The following IFI16 variants were observed in gnomAD, a reference collection of about 807,000 sequenced individuals.
The protein encoded by IFI16 is interferon gamma inducible protein 16, also known as gamma-interferon-inducible protein 16.
In IFI16, 49 loss-of-function variants were observed where a neutral mutation model predicts 68.4. That is an observed-to-expected ratio of 0.72 (90% CI 0.57 to 0.91). IFI16 has a LOEUF of 0.91. Among genes scored for constraint, IFI16 ranks in the 40% least tolerant of loss-of-function variants. The probability of loss-of-function intolerance (pLI) is 0.00; values close to 1 mark genes in which losing one functional copy is unlikely to be tolerated. For missense variants in IFI16, 878 were observed against 942.9 expected (o/e 0.93, Z 0.90); for synonymous variants, 307 against 315.0 (o/e 0.97, Z 0.27).
chr1:159,020,629 C>A, intron 6 of IFI16, 100 bp downstream of exon 6: 1 of 722,556 alleles, frequency 1.4e-6, no homozygotes, highest in Non-Finnish European at 2.3e-6. Context: ...CAGAGTTCAG[C>A]GGGAGGCATG....
upstream of IFI16, among the ~76,000 whole-genome samples, chr1:159,005,351 A>C (rs1470646191): frequency 6.6e-6 from 1 of 152,230 alleles, no homozygotes; most frequent in African/African-American, 2.4e-5. Context: ...TCTTTCACTC[A>C]TATTTTCTCC....
chr1:159,026,045 C>A (rs1219547575), intron 6 of IFI16, among the ~76,000 whole-genome samples: 1 of 152,092 alleles, frequency 6.6e-6, no homozygotes, highest in Non-Finnish European at 1.5e-5. Flanking sequence ...TATTTTTATA[C>A]CCAGAACCAT....
At chr1:159,044,731 C>T (rs541254903) in intron 7 of IFI16, among the ~76,000 whole-genome samples, 12 of 152,092 alleles carry the variant, frequency 7.9e-5, no homozygotes, top group Non-Finnish European at 1.2e-4. Flanking sequence ...CTTCTGAATA[C>T]AGCTAAAAAC....
chr1:159,051,488 T>C (rs998322631), intron 9 of IFI16, among the ~76,000 whole-genome samples, 191 bp from the exon 10 acceptor site: 5 of 152,200 alleles, frequency 3.3e-5, no homozygotes, highest in African/African-American at 1.2e-4. Context: ...ATAAAATTAC[T>C]CCTTACATCT....
At chr1:159,003,446 A>G (rs982482922), upstream of IFI16, among the ~76,000 whole-genome samples, 1 of 152,152 alleles carries the variant, frequency 6.6e-6, no homozygotes, top group Non-Finnish European at 1.5e-5. Context: ...GCCATATTCC[A>G]AATTCCTAAA....
intron 10 of IFI16, chr1:159,053,082 A>T (rs1203232287): frequency 2.0e-5 from 3 of 153,364 alleles, no homozygotes; most frequent in Admixed American, 1.3e-4. Context: ...GAGAAGAAAG[A>T]AGTAGTTACA....
Position 159,045,395 on chromosome 1 carries a change from C to T in IFI16, c.1428C>T (p.Gly476=), listed in dbSNP as rs1157016128. ...HFPGPFMTSI[G]PAESHPHTPQ... is the part of the protein sequence containing the mutation. Reference sequence around the variant, plus strand: ...CAGGACCGTTCATGACCAGCATAGGCCCAGCTGAGAGCCATCCCCACACTC... The same window carrying T: ...CAGGACCGTTCATGACCAGCATAGGTCCAGCTGAGAGCCATCCCCACACTC... The change falls in exon 8 of 12, where the codon GGC becomes GGT. Residue 476 remains glycine (G), a synonymous_variant. Coordinates refer to ENST00000295809, the MANE Select transcript of IFI16 (RefSeq NM_001376587.1). 1 of 1,590,574 alleles carries T rather than the reference C, an allele frequency of 6.3e-7. No homozygotes were observed. The highest frequency in any genetic ancestry group is 2.2e-5 in the East Asian group (1 of 44,792).
rs781762499 is a variant in IFI16 at position 159,053,545 on chromosome 1, G to A, written c.2098G>A (p.Gly700Ser). The A allele has an allele frequency of 1.9e-6, 3 of 1,600,922 alleles. No homozygotes were observed. Among genetic ancestry groups the A allele is most frequent in the Admixed American group, 1.7e-5 (1 of 59,144 alleles). The part of the protein sequence containing the change: ...VFEVHKKNVR[G>S]EFTYYEIQDN... Reference sequence around the variant, plus strand: ...TTTTCTTTTGCAGAAAAATGTAAGGGGTGAATTCACTTATTATGAAATACA... The same window carrying A: ...TTTTCTTTTGCAGAAAAATGTAAGGAGTGAATTCACTTATTATGAAATACA... Residue 700 changes from glycine (G) to serine (S), a missense_variant, in exon 11 of 12, where the codon GGT becomes AGT. Physicochemically the swap from Gly to Ser is moderately conservative, Grantham distance 56. Around this residue, in one of 4 missense-constraint regions of IFI16, gnomAD observed 311 missense variants for 305.1 expected, o/e 1.02. Coordinates refer to ENST00000295809, the MANE Select transcript of IFI16 (RefSeq NM_001376587.1).
chr1:159,017,257 C>T (rs1178450775), intron 4 of IFI16, among the ~76,000 whole-genome samples: 2 of 152,212 alleles, frequency 1.3e-5, no homozygotes, highest in African/African-American at 4.8e-5. Context: ...GTGGGAATGA[C>T]ACTCTGTAGA....
intron 5 of IFI16, 130 bp downstream of exon 5, chr1:159,018,781 G>T: frequency 1.5e-6 from 1 of 665,450 alleles, no homozygotes; most frequent in East Asian, 2.6e-5. Context: ...AATGACAGGT[G>T]GATAAAGACT....
chr1:159,019,831 G>A (rs1653187945), intron 5 of IFI16, among the ~76,000 whole-genome samples: 1 of 152,156 alleles, frequency 6.6e-6, no homozygotes, highest in African/African-American at 2.4e-5. Context: ...CAAAAAGCTG[G>A]AATGTTTGAG....
intron 1 of IFI16, among the ~76,000 whole-genome samples, chr1:159,014,128 G>A (rs1652767902): frequency 6.6e-6 from 1 of 152,208 alleles, no homozygotes; most frequent in African/African-American, 2.4e-5. Context: ...TAGCACCAAA[G>A]AAGGGAGGAT....
At chr1:159,036,157 G>T (rs1363013001) in intron 7 of IFI16, among the ~76,000 whole-genome samples, 1 of 152,118 alleles carries the variant, frequency 6.6e-6, no homozygotes, top group African/African-American at 2.4e-5. Context: ...TTTCTACTTC[G>T]TAAGCACTTA....
rs1477984768 is a variant in IFI16, at chr1:159,016,693, C to A, written c.542C>A (p.Ser181Ter). The change falls in exon 4 of 12, where the codon TCA becomes TAA. Residue 181 changes from serine to a stop codon, truncating the protein, a stop_gained. Transcript: ENST00000295809. LOFTEE classifies it high-confidence loss of function. ...TSLSAPPNSS[S>*]TENPKTVAKC... ...TTGTCAGCTCCACCCAACAGTTCTTCAACTGAGGTACACTCTTCCTGGTCC... is the reference window on the plus strand; with the variant it reads ...TTGTCAGCTCCACCCAACAGTTCTTAAACTGAGGTACACTCTTCCTGGTCC... 2 of 1,613,216 alleles carry A rather than the reference C, an allele frequency of 1.2e-6. No individual in the cohort carries two copies. Among genetic ancestry groups the A allele is most frequent in the Non-Finnish European group, 1.7e-6 (2 of 1,179,592 alleles).
At chr1:159,052,327 C>G (rs374679707) in intron 10 of IFI16, 1 of 527,784 alleles carries the variant, frequency 1.9e-6, no homozygotes, top group African/African-American at 1.9e-5. Flanking sequence ...TAGACAGTCA[C>G]TAGGAAACTT....
At chr1:159,003,540 A>T (rs745385985), upstream of IFI16, among the ~76,000 whole-genome samples, 1 of 151,984 alleles carries the variant, frequency 6.6e-6, no homozygotes, top group Non-Finnish European at 1.5e-5. Flanking sequence ...TTTTGGCTCT[A>T]TCAGCCTAAG....
chr1:159,049,599 G>A lies in IFI16; in HGVS notation c.1665G>A (p.Thr555=), dbSNP rs758980331. The A allele has an allele frequency of 4.4e-6, 7 of 1,609,066 alleles. No individual in the cohort carries two copies. Among genetic ancestry groups the A allele is most frequent in the East Asian group, 2.2e-5 (1 of 44,852 alleles). The part of the protein sequence containing the change: ...PSTPSSSFLT[T]LKPRLKTEPE... ...CACCAAGCAGCAGTTTCTTAACCAC[G>A]GTACAAGTTCCCTCTTCCCAATACA... Residue 555 remains threonine, a splice_region_variant and synonymous_variant, in exon 9 of 12, where the codon ACG becomes ACA. Transcript: ENST00000295809.
chr1:159,025,662 G>A (rs1653621713), intron 6 of IFI16, among the ~76,000 whole-genome samples: 1 of 152,172 alleles, frequency 6.6e-6, no homozygotes, highest in Admixed American at 6.5e-5. Flanking sequence ...CTACGCAGAA[G>A]CTTTTTAGCT....
At chr1:159,018,782 GATAAAGACTT>G (rs925360832) in intron 5 of IFI16, 131 bp downstream of exon 5, 1 of 663,466 alleles carries the variant, frequency 1.5e-6, no homozygotes, top group Admixed American at 2.7e-5. Context: ...ATGACAGGTG[GATAAAGACTT>G]CTCTGAAGAT....
Sources: allele counts gnomAD v4.1 joint callset (sites outside exome capture counted in the v4.1 genomes callset), GRCh38; gene constraint gnomAD v4.1.1; regional missense constraint gnomAD v4.1.1; transcripts MANE v1.5; gene names NCBI Gene and HGNC (gene_info 2026-07-23, HGNC 2026-07-21).